Variants in HHAT observed in about 807,000 individuals in gnomAD.
HHAT encodes hedgehog acyltransferase.
HHAT carries 47 observed loss-of-function variants against 70.8 expected under a neutral mutation model. That is an observed-to-expected ratio of 0.66 (90% CI 0.53 to 0.85). HHAT has a LOEUF of 0.85. Among genes scored for constraint, HHAT ranks in the 40% least tolerant of loss-of-function variants. The pLI, the probability that HHAT is intolerant of heterozygous loss-of-function variation, is 0.00. For synonymous variants in HHAT, 228 were observed against 247.6 expected, an observed-to-expected ratio of 0.92 and a Z score of 0.74; for missense variants, 609 against 604.8, an observed-to-expected ratio of 1.01 and a Z score of -0.07.
intron 11 of HHAT, among the ~76,000 whole-genome samples, chr1:210,651,423 G>A (rs1338296150): frequency 6.6e-6 from 1 of 152,182 alleles, no homozygotes; most frequent in Non-Finnish European, 1.5e-5. Context: ...GTAGAAAGCA[G>A]TTACTGCCCC....
chr1:210,455,588 T>A (rs946363484), intron 7 of HHAT, among the ~76,000 whole-genome samples: 1 of 152,118 alleles, frequency 6.6e-6, no homozygotes, highest in African/African-American at 2.4e-5. Flanking sequence ...CTGACCCGAT[T>A]CAAGTTCCGA....
chr1:210,549,891 A>G (rs888387366), intron 9 of HHAT, among the ~76,000 whole-genome samples: 1 of 148,836 alleles, frequency 6.7e-6, no homozygotes, highest in African/African-American at 2.5e-5. Flanking sequence ...CAGTTGAATC[A>G]TACTACTCAC....
intron 7 of HHAT, chr1:210,439,433 T>C (rs546511900): frequency 6.6e-6 from 1 of 151,986 alleles, no homozygotes; most frequent in Admixed American, 6.5e-5. Flanking sequence ...TACAGTCAGC[T>C]CCACTCCCAG....
intron 4 of HHAT, among the ~76,000 whole-genome samples, chr1:210,396,373 T>G (rs942080800): frequency 6.6e-6 from 1 of 152,114 alleles, no homozygotes; most frequent in Non-Finnish European, 1.5e-5. Context: ...TAAATTCAAA[T>G]TAAAACCACA....
At chr1:210,488,480 C>T (rs2094504938) in intron 8 of HHAT, among the ~76,000 whole-genome samples, 2 of 152,146 alleles carry the variant, frequency 1.3e-5, no homozygotes, top group South Asian at 4.1e-4. Context: ...ACAGAAGTTC[C>T]ATGAGAATGA....
intron 9 of HHAT, among the ~76,000 whole-genome samples, chr1:210,542,780 CAG>C (rs2095443871): frequency 6.6e-6 from 1 of 152,064 alleles, no homozygotes; most frequent in African/African-American, 2.4e-5. Flanking sequence ...GTCTGGTTGA[CAG>C]AGTGAGACCC....
intron 11 of HHAT, among the ~76,000 whole-genome samples, chr1:210,626,425 C>A (rs1299323169): frequency 6.6e-6 from 1 of 152,180 alleles, no homozygotes; most frequent in Non-Finnish European, 1.5e-5. Context: ...GGAATCATCT[C>A]TCTTCTGGGT....
chr1:210,584,258 T>C (rs998874791), intron 9 of HHAT, among the ~76,000 whole-genome samples: 1 of 151,820 alleles, frequency 6.6e-6, no homozygotes, highest in African/African-American at 2.4e-5. Context: ...CACTTTTATA[T>C]AGTGAGATAA....
chr1:210,416,101 G>A (rs554347346), intron 6 of HHAT, among the ~76,000 whole-genome samples: 2 of 152,304 alleles, frequency 1.3e-5, no homozygotes, highest in South Asian at 2.1e-4. Context: ...TTCTTGTTGC[G>A]GGAGGACAGT....
intron 4 of HHAT, among the ~76,000 whole-genome samples, chr1:210,388,695 A>G (rs2091253932): frequency 6.6e-6 from 1 of 152,164 alleles, no homozygotes; most frequent in Non-Finnish European, 1.5e-5. Context: ...CTAGTAATAA[A>G]TATATCTACC....
chr1:210,623,105 C>T (rs2148873165), intron 10 of HHAT, among the ~76,000 whole-genome samples: 1 of 152,336 alleles, frequency 6.6e-6, no homozygotes, highest in South Asian at 2.1e-4. Context: ...CGCTCTTGTT[C>T]TGTCACCCAG....
At chr1:210,592,391 T>C (rs1661932170) in intron 10 of HHAT, among the ~76,000 whole-genome samples, 1 of 152,114 alleles carries the variant, frequency 6.6e-6, no homozygotes, top group Non-Finnish European at 1.5e-5. Context: ...CACTGATCTG[T>C]GTGTCTGTTT....
chr1:210,530,530 A>C (rs189889696), intron 9 of HHAT, among the ~76,000 whole-genome samples: 125 of 152,312 alleles, frequency 8.2e-4, no homozygotes, highest in African/African-American at 2.9e-3. Flanking sequence ...CTTGGAAATC[A>C]GGCATAACCT....
At position 210,445,090 on chromosome 1, in the gene HHAT, G is replaced by A. The variant is rs1004800831; in HGVS notation, c.857-19415G>A. ...CCTGACTGTGTGATCTGCCTGACTC[G>A]GCCTCCCAAAGTGCTGGGATTACAG... On this transcript the variant is annotated intron_variant, in intron 7 of 11. Coordinates refer to ENST00000261458, the MANE Select transcript of HHAT (RefSeq NM_018194.6). Among the ~76,000 whole-genome samples the A allele has an allele frequency of 4.6e-5, 7 of 151,764 alleles. No individual in the cohort carries two copies. In the South Asian group the frequency reaches 6.2e-4, roughly 14 times the overall value.
intron 7 of HHAT, among the ~76,000 whole-genome samples, chr1:210,427,794 C>A (rs1474164229): frequency 1.3e-5 from 2 of 152,038 alleles, no homozygotes; most frequent in Non-Finnish European, 2.9e-5. Context: ...GCGGAAAGTT[C>A]TGCAGACATC....
intron 7 of HHAT, among the ~76,000 whole-genome samples, chr1:210,427,702 A>G (rs1298693893): frequency 2.0e-5 from 3 of 152,046 alleles, no homozygotes; most frequent in Non-Finnish European, 4.4e-5. Context: ...GCATTTGCTG[A>G]GGAGTGTTTT....
intron 11 of HHAT, among the ~76,000 whole-genome samples, chr1:210,659,785 A>T (rs969395348): frequency 5.9e-5 from 9 of 152,216 alleles, no homozygotes; most frequent in African/African-American, 2.2e-4. Flanking sequence ...AATAAATGTA[A>T]TCCAGCATAT....
intron 9 of HHAT, among the ~76,000 whole-genome samples, chr1:210,581,881 T>TA (rs1659345335): frequency 6.6e-6 from 1 of 152,194 alleles, no homozygotes; most frequent in Non-Finnish European, 1.5e-5. Context: ...GAAATTATGT[T>TA]ACGTATTTAA....
intron 11 of HHAT, among the ~76,000 whole-genome samples, chr1:210,669,854 G>GAGAGAC (rs1321891838): frequency 6.6e-6 from 1 of 152,238 alleles, no homozygotes; most frequent in South Asian, 2.1e-4. Flanking sequence ...TTAATGGGGA[G>GAGAGAC]AGAGACAGAG....
Sources: gnomAD v4.1 joint callset for allele counts (sites outside exome capture counted in the v4.1 genomes callset) on GRCh38, gnomAD v4.1.1 for gene constraint, MANE v1.5 for transcripts, NCBI Gene and HGNC (gene_info 2026-07-23, HGNC 2026-07-21) for gene names.